Variants in REL observed in about 807,000 individuals in gnomAD.
REL encodes proto-oncogene c-Rel.
REL carries 15 observed loss-of-function variants against 45.9 expected under a neutral mutation model. That is an observed-to-expected ratio of 0.33 (90% CI 0.22 to 0.50). The LOEUF is 0.50. REL is among the 20% of genes least tolerant of loss of function. The pLI is 0.98. For synonymous variants in REL, 239 were observed against 242.1 expected (o/e 0.99, Z 0.12); for missense variants, 601 against 715.2 (o/e 0.84, Z 1.82).
intron 4 of REL, among the ~76,000 whole-genome samples, chr2:60,910,725 A>G (rs1371319141): frequency 6.6e-6 from 1 of 152,062 alleles, no homozygotes; most frequent in Non-Finnish European, 1.5e-5. Context: ...TGAGGTCAGG[A>G]GTTCCAGACC....
At position 60,901,070 on chromosome 2, in the gene REL, C is replaced by G. The variant is rs1456160806; in HGVS notation, c.381C>G (p.Ile127Met). 17 of 1,581,136 alleles carry G rather than the reference C, an allele frequency of 1.1e-5. No individual in the cohort carries two copies. The highest frequency in any genetic ancestry group is 1.5e-5 in the Non-Finnish European group (17 of 1,161,392). ...TTATTACAAGAATAAAGGCAGGAAT[C>G]AATCCATTCAATGGTAAGTATGTTT... is the stretch of plus-strand genomic sequence containing the variant. ...EAIITRIKAG[I>M]NPFNVPEKQL... is the part of the protein sequence containing the mutation. Residue 127 changes from isoleucine (I) to methionine (M), a missense_variant, in exon 4 of 10, where the codon ATC becomes ATG. By Grantham distance (10) the Ile-to-Met change is conservative. Transcript: ENST00000394479.
At chr2:60,909,796 G>A (rs1673761095) in intron 4 of REL, among the ~76,000 whole-genome samples, 1 of 152,134 alleles carries the variant, frequency 6.6e-6, no homozygotes, top group South Asian at 2.1e-4. Flanking sequence ...AGCTACTTGG[G>A]AGGCTGAGGC....
At position 60,920,213 on chromosome 2, in the gene REL, G is replaced by GT. The variant is rs1165706012; in HGVS notation, c.922+110dup. ...TTTTGTTTTGTTTTGTTGTTTGTTT[G>GT]TTTTTTGAGATAGCATCTCTCTCTG... On this transcript the variant is annotated intron_variant, in intron 8 of 9. Coordinates refer to ENST00000394479, the MANE Select transcript of REL (RefSeq NM_001291746.2). 2.5e-5 allele frequency: 25 copies of GT among 980,486 alleles called. No homozygotes were observed. In the East Asian group the frequency reaches 6.6e-4, roughly 26 times the overall value. 60.7% of individuals were successfully genotyped at this position (980,486 alleles called of 1,614,324 possible). A position where few individuals can be genotyped will look rare whatever the true frequency, so the allele number is the denominator to read the frequency against.
intron 1 of REL, among the ~76,000 whole-genome samples, chr2:60,887,096 A>G (rs927154484): frequency 1.3e-5 from 2 of 152,146 alleles, no homozygotes; most frequent in African/African-American, 2.4e-5. Flanking sequence ...ACCCTCTTGC[A>G]CTCCATAGAT....
intron 2 of REL, 92 bp downstream of exon 2, chr2:60,891,917 C>T (rs1420105389): frequency 1.7e-6 from 2 of 1,201,164 alleles, no homozygotes; most frequent in South Asian, 1.9e-5. Context: ...TCTTCACAGT[C>T]ATCTCCACAG....
At position 60,915,724 on chromosome 2, in the gene REL, T is replaced by C. The variant is rs370698540; in HGVS notation, c.395-1153T>C. 3.8e-4 allele frequency among the ~76,000 whole-genome samples: 58 copies of C among 152,354 alleles called. 1 individual carries two copies. The South Asian group carries it at 0.011, about 28-fold the overall frequency. On this transcript the variant is annotated intron_variant, in intron 4 of 9. Transcript: ENST00000394479. Reference sequence around the variant, plus strand: ...GCTTTTTAAAAATATGACTTATTGCTATAGCTTATGGCATTTGAAAAGGCA... The same window carrying C: ...GCTTTTTAAAAATATGACTTATTGCCATAGCTTATGGCATTTGAAAAGGCA...
At position 60,931,339 on chromosome 2, in the gene REL, A is replaced by G. The variant is rs943003164; in HGVS notation, c.*8804A>G. The G allele has an allele frequency of 6.6e-6, 1 of 152,320 alleles. No individual in the cohort carries two copies. Among genetic ancestry groups the G allele is most frequent in the Non-Finnish European group, 1.5e-5 (1 of 68,026 alleles). 9.4% of individuals were successfully genotyped at this position (152,320 alleles called of 1,614,324 possible). On this transcript the variant is annotated 3_prime_UTR_variant, in exon 10 of 10. Transcript: ENST00000394479. The stretch of plus-strand genomic sequence containing the variant: ...CTTAAAATACCTTTGGCTGTGATGA[A>G]TGTAGATCCCAGCAGAATACCAAAA...
chr2:60,910,390 G>A (rs990612167), intron 4 of REL, among the ~76,000 whole-genome samples: 2 of 151,140 alleles, frequency 1.3e-5, no homozygotes, highest in African/African-American at 2.4e-5. Flanking sequence ...GCGTGAACCC[G>A]GGAGGCGGAG....
chr2:60,924,452 G>A lies in REL; in HGVS notation c.*1917G>A, dbSNP rs550563712. 2.8e-5 allele frequency: 6 copies of A among 212,004 alleles called. No homozygotes were observed. The highest frequency in any genetic ancestry group is 1.1e-4 in the African/African-American group (5 of 44,244). 13.1% of individuals were successfully genotyped at this position (212,004 alleles called of 1,614,324 possible). ...GAAATAATAACTTTAATTATAAGAC[G>A]TATATGATTTTTGCAGTTTTACTTA... On this transcript the variant is annotated 3_prime_UTR_variant, in exon 10 of 10. Coordinates refer to ENST00000394479, the MANE Select transcript of REL (RefSeq NM_001291746.2).
chr2:60,906,093 A>G (rs999841272), intron 4 of REL, among the ~76,000 whole-genome samples: 1 of 152,200 alleles, frequency 6.6e-6, no homozygotes, highest in African/African-American at 2.4e-5. Flanking sequence ...AAAATGCAAA[A>G]GCGGAAATCC....
Position 60,926,229 on chromosome 2 carries a change from T to C in REL, c.*3694T>C, listed in dbSNP as rs1038387689. The stretch of plus-strand genomic sequence containing the variant: ...GTATAAACATGGTAAATGTCTTCAT[T>C]AGCCTAAAAGGAAAGACCAAATAAA... On this transcript the variant is annotated 3_prime_UTR_variant, in exon 10 of 10. Transcript: ENST00000394479. The C allele has an allele frequency of 1.7e-5, 4 of 230,914 alleles. No individual in the cohort carries two copies. The highest frequency in any genetic ancestry group is 8.9e-5 in the African/African-American group (4 of 45,176). The allele number at this position is 230,914 out of a possible 1,614,324, so 14.3% of individuals were successfully genotyped here.
intron 3 of REL, among the ~76,000 whole-genome samples, chr2:60,898,461 T>C (rs1673415225): frequency 6.6e-6 from 1 of 152,272 alleles, no homozygotes; most frequent in Non-Finnish European, 1.5e-5. Context: ...TTGTGTGGCC[T>C]GTTCCTTTTG....
intron 2 of REL, among the ~76,000 whole-genome samples, chr2:60,893,119 C>T (rs1673261882): frequency 6.6e-6 from 1 of 152,106 alleles, no homozygotes; most frequent in East Asian, 1.9e-4. Flanking sequence ...AAGGGTTTAT[C>T]CTTTAAATGC....
In REL at chr2:60,928,295, C is replaced by A. The variant is rs374621210; in HGVS notation, c.*5760C>A. 10 of 153,490 alleles carry A rather than the reference C, an allele frequency of 6.5e-5. No individual in the cohort carries two copies. The South Asian group carries it at 1.2e-3, about 19-fold the overall frequency. The allele number at this position is 153,490 out of a possible 1,614,324, so 9.5% of individuals were successfully genotyped here. A position where few individuals can be genotyped will look rare whatever the true frequency, so the allele number is the denominator to read the frequency against. ...TGCCATCCCCATCAAGCTACCAATG[C>A]CTTTCTTCACAGAATTGGAAAAAAC... On this transcript the variant is annotated 3_prime_UTR_variant, in exon 10 of 10. Transcript: ENST00000394479.
rs1172666775 is a variant in REL, at chr2:60,926,268, C to T, written c.*3733C>T. On this transcript the variant is annotated 3_prime_UTR_variant, in exon 10 of 10. Transcript: ENST00000394479. ...AGACCAAATAAAACCTTTCCTACCA[C>T]TTGGATGCATTTGCATCCTGACTTC... 1 of 231,482 alleles carries T rather than the reference C, an allele frequency of 4.3e-6. No individual in the cohort carries two copies. The highest frequency in any genetic ancestry group is 8.6e-6 in the Non-Finnish European group (1 of 116,874). 14.3% of individuals were successfully genotyped at this position (231,482 alleles called of 1,614,324 possible).
At chr2:60,909,152 C>G (rs1007490919) in intron 4 of REL, among the ~76,000 whole-genome samples, 2 of 151,980 alleles carry the variant, frequency 1.3e-5, no homozygotes, top group Non-Finnish European at 2.9e-5. Context: ...GTTTATGTAT[C>G]TATTTCTCAT....
chr2:60,919,549 C>G (rs1244084439), intron 7 of REL, among the ~76,000 whole-genome samples: 1 of 152,164 alleles, frequency 6.6e-6, no homozygotes, highest in African/African-American at 2.4e-5. Flanking sequence ...TCTCAGCCTC[C>G]CAGGTAGCTG....
In REL at chr2:60,926,751, C is replaced by T. The variant is rs1674278150; in HGVS notation, c.*4216C>T. On this transcript the variant is annotated 3_prime_UTR_variant, in exon 10 of 10. Coordinates refer to ENST00000394479, the MANE Select transcript of REL (RefSeq NM_001291746.2). Reference sequence around the variant, plus strand: ...ACTAGGAACCTCAAAGTATTGTATTCTTTTTCTCCATCACACTCATACTTA... The same window carrying T: ...ACTAGGAACCTCAAAGTATTGTATTTTTTTTCTCCATCACACTCATACTTA... 4.4e-6 allele frequency: 1 copy of T among 227,754 alleles called. No individual in the cohort carries two copies. The highest frequency in any genetic ancestry group is 8.7e-6 in the Non-Finnish European group (1 of 114,648). 14.1% of individuals were successfully genotyped at this position (227,754 alleles called of 1,614,324 possible). A position where few individuals can be genotyped will look rare whatever the true frequency, so the allele number is the denominator to read the frequency against.
chr2:60,891,916 TCATCTC>T, intron 2 of REL, 91 bp downstream of exon 2: 1 of 1,232,946 alleles, frequency 8.1e-7, no homozygotes, highest in Non-Finnish European at 1.1e-6. Flanking sequence ...TTCTTCACAG[TCATCTC>T]CACAGGTTTA....
Sources: allele counts gnomAD v4.1 joint callset (sites outside exome capture counted in the v4.1 genomes callset), GRCh38; gene constraint gnomAD v4.1.1; transcripts MANE v1.5; gene names NCBI Gene and HGNC (gene_info 2026-07-23, HGNC 2026-07-21).